The following PIK3CB variants were observed in gnomAD, a reference collection of about 807,000 sequenced individuals.
PIK3CB encodes phosphatidylinositol-4,5-bisphosphate 3-kinase catalytic subunit beta, also known as phosphatidylinositol 4,5-bisphosphate 3-kinase catalytic subunit beta isoform.
PIK3CB carries 39 observed loss-of-function variants against 136.8 expected under a neutral mutation model. That is an observed-to-expected ratio of 0.29 (90% CI 0.22 to 0.37). The LOEUF (loss-of-function observed/expected upper bound fraction) is 0.37, where lower values mean the gene tolerates loss of function less well. Ranked by LOEUF, PIK3CB falls within the 10% of genes least tolerant of loss-of-function variation. PIK3CB has a pLI of 1.00. For missense variants in PIK3CB, 868 were observed against 1,275.4 expected (o/e 0.68, Z 4.87); for synonymous variants, 428 against 436.6 (o/e 0.98, Z 0.25).
chr3:138,810,708 G>A (rs189303233), intron 1 of PIK3CB, among the ~76,000 whole-genome samples: 1 of 151,862 alleles, frequency 6.6e-6, no homozygotes, highest in East Asian at 2.0e-4. Flanking sequence ...CACGAGGTCA[G>A]GAGATTGAGA....
At chr3:138,689,010 A>G in intron 15 of PIK3CB, 36 bp from the exon 16 acceptor site, 1 of 1,260,100 alleles carries the variant, frequency 7.9e-7, no homozygotes, top group Non-Finnish European at 1.2e-6. Context: ...CAGTTTGTTT[A>G]TCAAACACTT....
In PIK3CB at chr3:138,755,739, T is replaced by A. The variant is rs779377949; in HGVS notation, c.397+15A>T. ...ATATTAAGAATTTGTACTTTTTTTT[T>A]ATTTTTTAATTTACCTTTTCCTATA... On this transcript the variant is annotated intron_variant, in intron 4 of 23. Transcript: ENST00000674063. The A allele has an allele frequency of 4.5e-5, 57 of 1,259,248 alleles. No homozygotes were observed. The highest frequency in any genetic ancestry group is 2.1e-4 in the East Asian group (9 of 42,818). 78.0% of individuals were successfully genotyped at this position (1,259,248 alleles called of 1,614,324 possible). A position where few individuals can be genotyped will look rare whatever the true frequency, so the allele number is the denominator to read the frequency against.
chr3:138,679,770 A>ATTT (rs1553721132), intron 19 of PIK3CB, among the ~76,000 whole-genome samples: 1 of 148,076 alleles, frequency 6.8e-6, no homozygotes, highest in African/African-American at 2.5e-5. Context: ...TATTATTATT[A>ATTT]TTATTATTGT....
chr3:138,715,600 G>C (rs191820150), intron 8 of PIK3CB, among the ~76,000 whole-genome samples: 2 of 152,146 alleles, frequency 1.3e-5, no homozygotes, highest in Admixed American at 1.3e-4. Flanking sequence ...AGCTAGTTAA[G>C]AGTTACCACG....
At chr3:138,663,507 A>T (rs1290172872) in intron 21 of PIK3CB, among the ~76,000 whole-genome samples, 1 of 151,946 alleles carries the variant, frequency 6.6e-6, no homozygotes, top group Non-Finnish European at 1.5e-5. Flanking sequence ...TCAGTCTCCC[A>T]AGTAGCTGGG....
intron 8 of PIK3CB, among the ~76,000 whole-genome samples, chr3:138,718,693 T>TTGAGTTGAC (rs2044663394): frequency 2.0e-5 from 3 of 152,354 alleles, no homozygotes; most frequent in African/African-American, 7.2e-5. Context: ...ACATTAAGTC[T>TTGAGTTGAC]TTAATCCACC....
At position 138,691,034 on chromosome 3, in the gene PIK3CB, G is replaced by T; in HGVS notation, c.2002C>A (p.Arg668=). Residue 668 remains arginine, a synonymous_variant, in exon 15 of 24, where the codon CGG becomes AGG. Transcript: ENST00000674063. ...CAAAATAGAAACTGCCCTATCCTCC[G>T]ATTACCAAGTGCTCTTTCTAATAGG... ...RFLLERALGN[R]RIGQFLFWHL... The T allele has an allele frequency of 6.2e-7, 1 of 1,612,990 alleles. No homozygotes were observed. Among genetic ancestry groups the T allele is most frequent in the Non-Finnish European group, 8.5e-7 (1 of 1,179,234 alleles).
At chr3:138,784,756 A>G (rs888874595) in intron 2 of PIK3CB, among the ~76,000 whole-genome samples, 2 of 152,204 alleles carry the variant, frequency 1.3e-5, no homozygotes, top group African/African-American at 4.8e-5. Context: ...GCTGGAATGC[A>G]GTGGCGTGAT....
At chr3:138,734,516 A>C in intron 7 of PIK3CB, 118 bp downstream of exon 7, 1 of 615,144 alleles carries the variant, frequency 1.6e-6, no homozygotes, top group Non-Finnish European at 2.6e-6. Flanking sequence ...ATTTTTGGCA[A>C]ATATGTATTG....
chr3:138,677,052 T>G (rs941957866), intron 19 of PIK3CB, among the ~76,000 whole-genome samples: 4 of 140,218 alleles, frequency 2.9e-5, no homozygotes, highest in African/African-American at 1.0e-4. Flanking sequence ...TAAACTATTA[T>G]GCAAGATTTT....
At chr3:138,779,980 CAG>C (rs1185338758) in intron 2 of PIK3CB, among the ~76,000 whole-genome samples, 2 of 151,680 alleles carry the variant, frequency 1.3e-5, no homozygotes, top group Non-Finnish European at 2.9e-5. Context: ...TCTTTTGAGA[CAG>C]AGTCTCGCTC....
intron 13 of PIK3CB, among the ~76,000 whole-genome samples, chr3:138,697,723 T>C (rs141841261): frequency 8.5e-5 from 13 of 152,100 alleles, no homozygotes; most frequent in Non-Finnish European, 1.9e-4. Context: ...ATTACAGACA[T>C]GAGCCACAGA....
chr3:138,660,838 G>T (rs1262818844), intron 21 of PIK3CB, among the ~76,000 whole-genome samples: 10 of 152,188 alleles, frequency 6.6e-5, no homozygotes, highest in Admixed American at 6.5e-4. Context: ...TTTTTTAAAA[G>T]TATATTAATC....
intron 1 of PIK3CB, among the ~76,000 whole-genome samples, chr3:138,811,561 G>C (rs542225734): frequency 4.6e-5 from 7 of 151,662 alleles, no homozygotes; most frequent in Admixed American, 2.0e-4. Flanking sequence ...GAGTAGCTGA[G>C]ATTACAGGCG....
intron 11 of PIK3CB, among the ~76,000 whole-genome samples, chr3:138,705,181 C>CAA (rs1277322816): frequency 0.012 from 707 of 58,236 alleles, 55 homozygotes; most frequent in East Asian, 0.032. Context: ...AAACAAAAAA[C>CAA]AAAACAAACA....
At chr3:138,722,719 G>A (rs1393005325) in intron 8 of PIK3CB, among the ~76,000 whole-genome samples, 3 of 149,938 alleles carry the variant, frequency 2.0e-5, no homozygotes, top group Non-Finnish European at 3.0e-5. Flanking sequence ...AAAAAACCCT[G>A]AATTATAATG....
At chr3:138,742,118 T>C (rs527509851) in intron 5 of PIK3CB, among the ~76,000 whole-genome samples, 45 of 152,242 alleles carry the variant, frequency 3.0e-4, no homozygotes, top group African/African-American at 1.1e-3. Flanking sequence ...GAGAAAAAAA[T>C]ATTTCCAATA....
intron 2 of PIK3CB, among the ~76,000 whole-genome samples, chr3:138,769,532 G>A (rs1311047363): frequency 6.6e-6 from 1 of 152,208 alleles, no homozygotes; most frequent in Non-Finnish European, 1.5e-5. Flanking sequence ...AAGATGACAT[G>A]TAACTCTTCA....
chr3:138,710,098 A>C (rs2044466987), intron 10 of PIK3CB, among the ~76,000 whole-genome samples: 3 of 149,924 alleles, frequency 2.0e-5, no homozygotes, highest in African/African-American at 7.4e-5. Context: ...CTGAGGAGGG[A>C]GGCTGAGCCC....
Sources: gnomAD v4.1 joint callset for allele counts (sites outside exome capture counted in the v4.1 genomes callset) on GRCh38, gnomAD v4.1.1 for gene constraint, MANE v1.5 for transcripts, NCBI Gene and HGNC (gene_info 2026-07-23, HGNC 2026-07-21) for gene names.